Variants in AKAP6 observed in about 807,000 individuals in gnomAD.
AKAP6 encodes the protein A-kinase anchoring protein 6, also known as A-kinase anchor protein 6.
AKAP6 carries 58 observed loss-of-function variants against 188.5 expected under a neutral mutation model. That is an observed-to-expected ratio of 0.31 (90% CI 0.25 to 0.38). AKAP6 has a LOEUF of 0.38. Among genes scored for constraint, AKAP6 ranks in the 10% least tolerant of loss-of-function variants. AKAP6 has a pLI of 1.00. For synonymous variants in AKAP6, 989 were observed against 998.6 expected, an observed-to-expected ratio of 0.99 and a Z score of 0.18; for missense variants, 2,710 against 2,740.0, an observed-to-expected ratio of 0.99 and a Z score of 0.24.
At chr14:32,442,473 A>G (rs2138741136) in intron 2 of AKAP6, 1 of 152,242 alleles carries the variant, frequency 6.6e-6, no homozygotes, top group East Asian at 1.9e-4. Context: ...TGGCATCAAT[A>G]TGGTGACCTC....
chr14:32,581,943 T>C (rs1035995508), intron 5 of AKAP6, among the ~76,000 whole-genome samples: 2 of 152,218 alleles, frequency 1.3e-5, no homozygotes, highest in African/African-American at 4.8e-5. Flanking sequence ...CTTGACACTT[T>C]ATCCAATTTG....
chr14:32,506,214 C>T (rs1198142255), intron 2 of AKAP6, among the ~76,000 whole-genome samples: 1 of 151,952 alleles, frequency 6.6e-6, no homozygotes, highest in Non-Finnish European at 1.5e-5. Context: ...CTGCAAATGC[C>T]ATAAAGTTGT....
At chr14:32,775,014 A>G (rs571215160) in intron 12 of AKAP6, among the ~76,000 whole-genome samples, 86 of 152,320 alleles carry the variant, frequency 5.6e-4, no homozygotes, top group Middle Eastern at 3.4e-3. Context: ...TATTGAGTCT[A>G]GGGGGTGATT....
intron 2 of AKAP6, among the ~76,000 whole-genome samples, chr14:32,471,724 T>C (rs909285832): frequency 6.6e-6 from 1 of 152,204 alleles, no homozygotes; most frequent in African/African-American, 2.4e-5. Flanking sequence ...TGTACCTCCA[T>C]CCATGGTATA....
chr14:32,429,323 T>C (rs987543815), intron 1 of AKAP6, among the ~76,000 whole-genome samples: 3 of 152,248 alleles, frequency 2.0e-5, no homozygotes, highest in African/African-American at 7.2e-5. Context: ...GCTTTCTGTT[T>C]GCATTCAAAT....
At chr14:32,630,522 A>G (rs1184797465) in intron 7 of AKAP6, among the ~76,000 whole-genome samples, 1 of 152,088 alleles carries the variant, frequency 6.6e-6, no homozygotes, top group East Asian at 1.9e-4. Flanking sequence ...GTTCAGGGGA[A>G]AAAAGGAGAT....
At chr14:32,604,102 A>T (rs1886043336) in intron 7 of AKAP6, among the ~76,000 whole-genome samples, 1 of 152,190 alleles carries the variant, frequency 6.6e-6, no homozygotes, top group Admixed American at 6.5e-5. Flanking sequence ...CTCCACTTAC[A>T]TTATTCCAAA....
At chr14:32,782,311 G>GAA (rs34747026) in intron 12 of AKAP6, among the ~76,000 whole-genome samples, 1 of 151,868 alleles carries the variant, frequency 6.6e-6, no homozygotes, top group Non-Finnish European at 1.5e-5. Context: ...TACTCAATAG[G>GAA]AAAAAACAGA....
chr14:32,788,203 G>T (rs951559153), intron 12 of AKAP6, among the ~76,000 whole-genome samples: 9 of 152,264 alleles, frequency 5.9e-5, no homozygotes, highest in African/African-American at 1.7e-4. Flanking sequence ...ATTTTCTTGA[G>T]TATTATAATA....
chr14:32,702,119 C>T (rs1444598917), intron 9 of AKAP6, among the ~76,000 whole-genome samples: 1 of 152,052 alleles, frequency 6.6e-6, no homozygotes, highest in Non-Finnish European at 1.5e-5. Context: ...TAATTTTTTA[C>T]CTCTTTTCCT....
chr14:32,821,362 C>A, intron 12 of AKAP6, 40 bp from the exon 13 acceptor site: 1 of 1,531,348 alleles, frequency 6.5e-7, no homozygotes, highest in South Asian at 1.3e-5. Flanking sequence ...TGCTTGTGTT[C>A]CCTAATTCTT....
chr14:32,573,011 G>C (rs1884560781), intron 4 of AKAP6, among the ~76,000 whole-genome samples: 1 of 152,124 alleles, frequency 6.6e-6, no homozygotes, highest in African/African-American at 2.4e-5. Flanking sequence ...GCATGACAAA[G>C]AAGGAAACAG....
intron 2 of AKAP6, among the ~76,000 whole-genome samples, chr14:32,479,025 A>G (rs1879208160): frequency 6.6e-6 from 1 of 152,198 alleles, no homozygotes; most frequent in African/African-American, 2.4e-5. Context: ...TATAGGGAGA[A>G]TGCTTTCTGA....
In AKAP6 at chr14:32,654,297, CT is replaced by C. The variant is rs1888356776; in HGVS notation, c.2731-24013del. 2.6e-5 allele frequency among the ~76,000 whole-genome samples: 4 copies of C among 152,228 alleles called. No homozygotes were observed. In the South Asian group the frequency reaches 8.3e-4, roughly 32 times the overall value. ...AGCCTGCACCACTGAAACTCTGGGTCTGTTTTTCTGACACAGTCCCACAGCA... is the reference window on the plus strand; with the variant it reads ...AGCCTGCACCACTGAAACTCTGGGTCGTTTTTCTGACACAGTCCCACAGCA... On this transcript the variant is annotated intron_variant, in intron 7 of 13. Coordinates refer to ENST00000280979, the MANE Select transcript of AKAP6 (RefSeq NM_004274.5).
At chr14:32,382,694 C>A (rs1888404656) in intron 1 of AKAP6, among the ~76,000 whole-genome samples, 2 of 152,098 alleles carry the variant, frequency 1.3e-5, no homozygotes, top group Admixed American at 6.5e-5. Context: ...AGAGAAAATT[C>A]TTGAGAGATG....
intron 1 of AKAP6, among the ~76,000 whole-genome samples, chr14:32,421,032 C>T (rs1214525902): frequency 6.6e-6 from 1 of 151,478 alleles, no homozygotes; most frequent in Non-Finnish European, 1.5e-5. Flanking sequence ...ATTTTTCTTT[C>T]TTATGTAAAA....
chr14:32,463,919 C>T (rs1335885044), intron 2 of AKAP6, among the ~76,000 whole-genome samples: 1 of 152,182 alleles, frequency 6.6e-6, no homozygotes, highest in Non-Finnish European at 1.5e-5. Flanking sequence ...GATATAACCA[C>T]TGATCCCACA....
chr14:32,612,520 T>C (rs544142691), intron 7 of AKAP6, among the ~76,000 whole-genome samples: 1 of 152,180 alleles, frequency 6.6e-6, no homozygotes, highest in Non-Finnish European at 1.5e-5. Flanking sequence ...CTTTCTACAC[T>C]TCTCTCCCAT....
chr14:32,731,710 T>C (rs1343572991), intron 9 of AKAP6, among the ~76,000 whole-genome samples: 1 of 152,092 alleles, frequency 6.6e-6, no homozygotes, highest in Non-Finnish European at 1.5e-5. Flanking sequence ...ACTATGGAGT[T>C]ATCCAAATAG....
Sources: allele counts gnomAD v4.1 joint callset (sites outside exome capture counted in the v4.1 genomes callset), GRCh38; gene constraint gnomAD v4.1.1; transcripts MANE v1.5; gene names NCBI Gene and HGNC (gene_info 2026-07-23, HGNC 2026-07-21).